Variants in DONSON observed in about 807,000 individuals in gnomAD.
DONSON encodes DNA replication fork stabilization factor DONSON.
Under a neutral mutation model 62.1 loss-of-function variants are expected in DONSON, and 43 were observed. The observed-to-expected ratio is 0.69, with a 90% CI of 0.54 to 0.89. DONSON has a LOEUF of 0.89. Ranked by LOEUF, DONSON falls within the 40% of genes least tolerant of loss-of-function variation. DONSON has a pLI of 0.00. For synonymous variants in DONSON, 266 were observed against 264.6 expected (o/e 1.01, Z -0.05); for missense variants, 696 against 697.5 (o/e 1.00, Z 0.03).
At chr21:33,578,560 T>G (rs1000681745) in intron 9 of DONSON, 116 bp from the exon 10 acceptor site, 9 of 1,135,356 alleles carry the variant, frequency 7.9e-6, no homozygotes, top group African/African-American at 1.6e-5. Context: ...ATTCATCCTA[T>G]TAATAGAAGT....
At position 33,583,496 on chromosome 21, in the gene DONSON, C is replaced by T; in HGVS notation, c.956G>A (p.Arg319Lys). 3 of 1,613,546 alleles carry T rather than the reference C, an allele frequency of 1.9e-6. No homozygotes were observed. Among genetic ancestry groups the T allele is most frequent in the Non-Finnish European group, 2.5e-6 (3 of 1,179,774 alleles). Residue 319 changes from arginine to lysine, a missense_variant, in exon 5 of 10, where the codon AGA (arginine) becomes AAA (lysine). By Grantham distance (26) the Arg-to-Lys change is conservative. Transcript: ENST00000303071. ...TAAACCTAAACTTTTACCTTCATTT[C>T]TCATAGCTTCTCTTAAACCTCGAGT... ...PTTRGLREAM[R>K]NEGIEFSLPL...
Position 33,578,338 on chromosome 21 carries a change from A to G in DONSON, c.1670T>C (p.Leu557Pro), listed in dbSNP as rs749937330. Residue 557 changes from leucine to proline, a missense_variant, in exon 10 of 10, where the codon CTG becomes CCG. Coordinates refer to ENST00000303071, the MANE Select transcript of DONSON (RefSeq NM_017613.4). ...LGKSSLRNVV[L>P]RDYIYNWRS ...TCTCCAATTATAAATGTAGTCTCTC[A>G]GCACCACATTCCGTAAAGATGATTT... 3 of 1,614,034 alleles carry G rather than the reference A, an allele frequency of 1.9e-6. No homozygotes were observed. The highest frequency in any genetic ancestry group is 2.5e-6 in the Non-Finnish European group (3 of 1,179,952).
At position 33,586,170 on chromosome 21, in the gene DONSON, T is replaced by A. The variant is rs1287549350; in HGVS notation, c.414A>T (p.Val138=). 2 of 1,614,032 alleles carry A rather than the reference T, an allele frequency of 1.2e-6. No individual in the cohort carries two copies. Among genetic ancestry groups the A allele is most frequent in the African/African-American group, 1.3e-5 (1 of 74,934 alleles). ...ACGGAATATCAGGCTCGGAGAATGA[T>A]ACATGTGAAGTCTTTAGAAAACAAA... ...TVTELPQTSH[V]SFSEPDIPSS... is the part of the protein sequence containing the mutation. The change falls in exon 3 of 10, where the codon GTA becomes GTT. Residue 138 remains valine, a synonymous_variant. Transcript: ENST00000303071.
intron 4 of DONSON, among the ~76,000 whole-genome samples, chr21:33,584,040 A>G (rs1433432750): frequency 7.1e-6 from 1 of 140,514 alleles, no homozygotes; most frequent in African/African-American, 2.6e-5. Context: ...ATATATATAT[A>G]TATATACTTT....
intron 5 of DONSON, among the ~76,000 whole-genome samples, chr21:33,583,259 G>A (rs963188939): frequency 1.4e-5 from 2 of 138,232 alleles, no homozygotes; most frequent in South Asian, 4.7e-4. Context: ...GTTTCATCCC[G>A]AAACCATCCT....
chr21:33,588,605 G>C lies in DONSON; in HGVS notation c.37C>G (p.Arg13Gly). 8.0e-7 allele frequency: 1 copy of C among 1,248,946 alleles called. No individual in the cohort carries two copies. Among genetic ancestry groups the C allele is most frequent in the Non-Finnish European group, 1.0e-6 (1 of 995,366 alleles). 77.4% of individuals were successfully genotyped at this position (1,248,946 alleles called of 1,614,324 possible). A position where few individuals can be genotyped will look rare whatever the true frequency, so the allele number is the denominator to read the frequency against. The change falls in exon 1 of 10, where the codon CGA (arginine) becomes GGA (glycine). Residue 13 changes from arginine (R) to glycine (G), a missense_variant. Coordinates refer to ENST00000303071, the MANE Select transcript of DONSON (RefSeq NM_017613.4). Reference protein sequence around the residue: ...LSVPGYSPGFRKPPEVVRLRR... With the variant: ...LSVPGYSPGFGKPPEVVRLRR... ...AGCCGCACTACCTCGGGCGGCTTTC[G>C]GAAGCCCGGTGAGTAGCCGGGCACC... is the stretch of plus-strand genomic sequence containing the variant.
At chr21:33,582,782 C>T (rs554564704) in intron 5 of DONSON, among the ~76,000 whole-genome samples, 4 of 152,126 alleles carry the variant, frequency 2.6e-5, no homozygotes, top group Non-Finnish European at 4.4e-5. Context: ...GAGCGACTGT[C>T]GAGTGAACAT....
rs573269032 is a variant in DONSON at position 33,578,920 on chromosome 21, T to G, written c.1563+430A>C. Among the ~76,000 whole-genome samples the G allele has an allele frequency of 3.9e-3, 601 of 152,276 alleles. 4 individuals are homozygous for G. The highest frequency in any genetic ancestry group is 0.014 in the African/African-American group (578 of 41,536). ...GGGAGGCCAAGGTGGGCAGATCACC[T>G]GAAGTCAGGAGTTCAAGACCAGCCT... On this transcript the variant is annotated intron_variant, in intron 9 of 9. Transcript: ENST00000303071.
chr21:33,586,634 A>T (rs1296951200), intron 2 of DONSON, among the ~76,000 whole-genome samples: 3 of 147,204 alleles, frequency 2.0e-5, no homozygotes, highest in African/African-American at 7.4e-5. Flanking sequence ...CAATACAAGA[A>T]TTTTTTTTTT....
intron 3 of DONSON, among the ~76,000 whole-genome samples, chr21:33,585,025 C>CT (rs1293135524): frequency 1.3e-5 from 2 of 152,026 alleles, no homozygotes; most frequent in African/African-American, 2.4e-5. Flanking sequence ...CAATGACTAC[C>CT]TTTTTTATCA....
At position 33,588,657 on chromosome 21, in the gene DONSON, A is replaced by T; in HGVS notation, c.-16T>A. 1 of 1,230,238 alleles carries T rather than the reference A, an allele frequency of 8.1e-7. No homozygotes were observed. Among genetic ancestry groups the T allele is most frequent in the East Asian group, 3.2e-5 (1 of 31,098 alleles). The allele number at this position is 1,230,238 out of a possible 1,614,324, so 76.2% of individuals were successfully genotyped here. A position where few individuals can be genotyped will look rare whatever the true frequency, so the allele number is the denominator to read the frequency against. ...AAAGGGCCATGACGCGCGGCGGCTG[A>T]GGGTAGCCGGCCGCCCTACAGAGAC... On this transcript the variant is annotated 5_prime_UTR_variant, in exon 1 of 10. Coordinates refer to ENST00000303071, the MANE Select transcript of DONSON (RefSeq NM_017613.4).
intron 8 of DONSON, 79 bp downstream of exon 8, chr21:33,581,223 A>T (rs2086506731): frequency 7.5e-7 from 1 of 1,331,296 alleles, no homozygotes; most frequent in Non-Finnish European, 1.0e-6. Flanking sequence ...AAATGCTAGG[A>T]GGTTTTTTTT....
intron 5 of DONSON, among the ~76,000 whole-genome samples, chr21:33,582,997 C>T (rs1029807871): frequency 7.3e-5 from 11 of 151,714 alleles, no homozygotes; most frequent in Admixed American, 3.3e-4. Context: ...GTCAGGAGAT[C>T]GAGATCGTCC....
chr21:33,588,671 C>T lies in DONSON; in HGVS notation c.-30G>A. ...CGCGGCGGCTGAGGGTAGCCGGCCG[C>T]CCTACAGAGACTTCCCGCGCGCGCC... On this transcript the variant is annotated 5_prime_UTR_variant, in exon 1 of 10. Coordinates refer to ENST00000303071, the MANE Select transcript of DONSON (RefSeq NM_017613.4). 1 of 1,226,706 alleles carries T rather than the reference C, an allele frequency of 8.2e-7. No individual in the cohort carries two copies. 76.0% of individuals were successfully genotyped at this position (1,226,706 alleles called of 1,614,324 possible).
intron 9 of DONSON, among the ~76,000 whole-genome samples, 190 bp downstream of exon 9, chr21:33,579,160 G>A (rs1234372476): frequency 6.6e-6 from 1 of 151,688 alleles, no homozygotes; most frequent in East Asian, 1.9e-4. Flanking sequence ...AATTGTACTT[G>A]GACTGAATTC....
At position 33,579,346 on chromosome 21, in the gene DONSON, T is replaced by C; in HGVS notation, c.1563+4A>G. The C allele has an allele frequency of 6.3e-7, 1 of 1,589,420 alleles. No individual in the cohort carries two copies. The stretch of plus-strand genomic sequence containing the variant: ...AAACAGTCTGCTCATAGGTGTCTAC[T>C]TACCATATCAAGTACTTTGTCCATT... On this transcript the variant is annotated splice_donor_region_variant and intron_variant, in intron 9 of 9. Transcript: ENST00000303071.
rs1413388979 is a variant in DONSON at position 33,581,326 on chromosome 21, T to G, written c.1326A>C (p.Arg442=). The G allele has an allele frequency of 1.9e-6, 3 of 1,614,110 alleles. No individual in the cohort carries two copies. The highest frequency in any genetic ancestry group is 1.7e-6 in the Non-Finnish European group (2 of 1,179,996). ...CCTTAAGCATTTGCATTGTGGCACC[T>G]CGGAAAGCAACAGGGGACAAGAGGG... ...PPTLLSPVAF[R]GATMQMLKAR... is the part of the protein sequence containing the mutation. The change falls in exon 8 of 10, where the codon CGA becomes CGC. Residue 442 remains arginine, a synonymous_variant. Transcript: ENST00000303071.
chr21:33,587,877 G>A (rs991434468), intron 1 of DONSON, among the ~76,000 whole-genome samples: 3 of 152,166 alleles, frequency 2.0e-5, no homozygotes, highest in Non-Finnish European at 2.9e-5. Flanking sequence ...ACGAATCCTC[G>A]ACATTCCCCC....
chr21:33,584,443 T>C (rs2086555765), intron 4 of DONSON, 147 bp downstream of exon 4: 3 of 699,958 alleles, frequency 4.3e-6, no homozygotes, highest in Non-Finnish European at 4.3e-6. Flanking sequence ...AAACAGTTTA[T>C]ATGTTGGTTA....
Sources: gnomAD v4.1 joint callset for allele counts (sites outside exome capture counted in the v4.1 genomes callset) on GRCh38, gnomAD v4.1.1 for gene constraint, MANE v1.5 for transcripts, NCBI Gene and HGNC (gene_info 2026-07-23, HGNC 2026-07-21) for gene names.